Variants in CDC37 observed in about 807,000 individuals in gnomAD.
The protein encoded by CDC37 is hsp90 co-chaperone Cdc37.
In CDC37, 9 loss-of-function variants were observed where a neutral mutation model predicts 46.9. The ratio of observed to expected loss-of-function variants is 0.19; its 90% CI spans 0.12 to 0.33. The LOEUF is 0.33. Among genes scored for constraint, CDC37 ranks in the 10% least tolerant of loss-of-function variants. The pLI is 1.00. For synonymous variants in CDC37, 193 were observed against 191.0 expected (o/e 1.01, Z -0.09); for missense variants, 388 against 514.6 (o/e 0.75, Z 2.38).
chr19:10,399,825 G>A (rs959004391), intron 1 of CDC37, among the ~76,000 whole-genome samples: 22 of 150,986 alleles, frequency 1.5e-4, no homozygotes, highest in Non-Finnish European at 2.8e-4. Flanking sequence ...CCAGCTACTC[G>A]GGAGGCTGAG....
chr19:10,400,078 T>A (rs1158147928), intron 1 of CDC37, among the ~76,000 whole-genome samples: 1 of 151,868 alleles, frequency 6.6e-6, no homozygotes, highest in Non-Finnish European at 1.5e-5. Context: ...TCTGAACAAC[T>A]GCCAGGGAGG....
In CDC37 at chr19:10,396,142, C is replaced by T. The variant is rs1166738720; in HGVS notation, c.164G>A (p.Arg55His). Residue 55 changes from arginine (R) to histidine (H), a missense_variant, in exon 2 of 8, where the codon CGC (arginine) becomes CAC (histidine). Transcript: ENST00000222005. The surrounding 1 kb of genome is among the most constrained non-coding windows in gnomAD (Gnocchi z 5.9). ...KEKEELDRGC[R>H]ECKRKVAECQ... ...CTCGGCCACCTTGCGCTTGCACTCG[C>T]GGCAGCCCCTGTCCAGTTCCTCCTT... The T allele has an allele frequency of 5.6e-6, 9 of 1,614,080 alleles. No individual in the cohort carries two copies. The highest frequency in any genetic ancestry group is 5.9e-6 in the Non-Finnish European group (7 of 1,180,008).
chr19:10,391,376 T>C lies in CDC37; in HGVS notation c.*175A>G. 1 of 708,572 alleles carries C rather than the reference T, an allele frequency of 1.4e-6. No homozygotes were observed. The highest frequency in any genetic ancestry group is 2.4e-6 in the Non-Finnish European group (1 of 410,888). 43.9% of individuals were successfully genotyped at this position (708,572 alleles called of 1,614,324 possible). A position where few individuals can be genotyped will look rare whatever the true frequency, so the allele number is the denominator to read the frequency against. ...CCTTGACTCAAAGCAGAGACTTGAA[T>C]GGGCGCTGGAGAGTGGAGACAGTGG... On this transcript the variant is annotated 3_prime_UTR_variant, in exon 8 of 8. Transcript: ENST00000222005.
At chr19:10,399,223 C>CT (rs776383071) in intron 1 of CDC37, among the ~76,000 whole-genome samples, 13 of 152,090 alleles carry the variant, frequency 8.5e-5, no homozygotes, top group Admixed American at 2.0e-4. Flanking sequence ...AATCCCAACA[C>CT]TTTGGGAGGC....
At position 10,399,931 on chromosome 19, in the gene CDC37, T is replaced by TAAAAAAAAAAAAAA. The variant is rs56162717; in HGVS notation, c.102+3433_102+3446dup. Among the ~76,000 whole-genome samples, 177 of 48,310 alleles carry TAAAAAAAAAAAAAA rather than the reference T, an allele frequency of 3.7e-3. 15 individuals are homozygous for TAAAAAAAAAAAAAA. Among genetic ancestry groups the TAAAAAAAAAAAAAA allele is most frequent in the Middle Eastern group, 0.014 (1 of 72 alleles). 31.7% of individuals were successfully genotyped at this position (48,310 alleles called of 152,430 possible). On this transcript the variant is annotated intron_variant, in intron 1 of 7. Transcript: ENST00000222005. Reference sequence around the variant, plus strand: ...TGGGCAACAGAGTGAGACTCCGTCTTAAAAAAAAAAAAAAAAAAAAAAAAA... The same window carrying TAAAAAAAAAAAAAA: ...TGGGCAACAGAGTGAGACTCCGTCTTAAAAAAAAAAAAAAAAAAAAAAAAAAAAAAAAAAAAAAA...
At chr19:10,395,179 C>T (rs754408676) in intron 4 of CDC37, 36 bp from the exon 5 acceptor site, 9 of 1,610,938 alleles carry the variant, frequency 5.6e-6, no homozygotes, top group South Asian at 5.5e-5. Context: ...CACCAAGTGG[C>T]GGCCTCATGG....
At chr19:10,399,674 T>C (rs2042508418) in intron 1 of CDC37, among the ~76,000 whole-genome samples, 1 of 150,910 alleles carries the variant, frequency 6.6e-6, no homozygotes, top group African/African-American at 2.4e-5. Flanking sequence ...GGCTCATGCC[T>C]GTAATCCCAA....
chr19:10,392,429 C>A (rs969283194), intron 7 of CDC37, among the ~76,000 whole-genome samples: 1 of 152,164 alleles, frequency 6.6e-6, no homozygotes, highest in Non-Finnish European at 1.5e-5. Context: ...CAGCTAGACC[C>A]ATTTTACAGA....
chr19:10,395,792 A>C (rs1385480352), intron 2 of CDC37, 136 bp downstream of exon 2: 1 of 336,430 alleles, frequency 3.0e-6, no homozygotes, highest in Non-Finnish European at 4.6e-6. Flanking sequence ...TCCATCCCTC[A>C]GCTCCCCGCC....
At position 10,391,384 on chromosome 19, in the gene CDC37, G is replaced by A; in HGVS notation, c.*167C>T. ...CAAAGCAGAGACTTGAATGGGCGCT[G>A]GAGAGTGGAGACAGTGGAGAGGCCA... On this transcript the variant is annotated 3_prime_UTR_variant, in exon 8 of 8. Coordinates refer to ENST00000222005, the MANE Select transcript of CDC37 (RefSeq NM_007065.4). 2.6e-6 allele frequency: 2 copies of A among 765,342 alleles called. No homozygotes were observed. The highest frequency in any genetic ancestry group is 4.5e-6 in the Non-Finnish European group (2 of 444,438). The allele number at this position is 765,342 out of a possible 1,614,324, so 47.4% of individuals were successfully genotyped here.
chr19:10,394,923 T>C, intron 5 of CDC37, 98 bp downstream of exon 5: 1 of 1,317,752 alleles, frequency 7.6e-7, no homozygotes. Flanking sequence ...CTGGAGGGGC[T>C]TGAGTCCCAG....
rs2042482547 is a variant in CDC37, at chr19:10,395,428, C to T, written c.487+7G>A. ...CTTGCCCCCCATAACCCACAAGCCCCACTCACCAAAGTGCTTGATCTGTTT... is the reference window on the plus strand; with the variant it reads ...CTTGCCCCCCATAACCCACAAGCCCTACTCACCAAAGTGCTTGATCTGTTT... On this transcript the variant is annotated splice_region_variant and intron_variant, in intron 3 of 7. Transcript: ENST00000222005. The T allele has an allele frequency of 1.9e-6, 3 of 1,612,070 alleles. No individual in the cohort carries two copies. Among genetic ancestry groups the T allele is most frequent in the Non-Finnish European group, 2.5e-6 (3 of 1,178,102 alleles).
rs2042492005 is a variant in CDC37 at position 10,396,288 on chromosome 19, C to T, written c.103-85G>A. 1 of 1,467,102 alleles carries T rather than the reference C, an allele frequency of 6.8e-7. No homozygotes were observed. The highest frequency in any genetic ancestry group is 9.2e-7 in the Non-Finnish European group (1 of 1,084,780). The allele number at this position is 1,467,102 out of a possible 1,614,324, so 90.9% of individuals were successfully genotyped here. ...TACCCAATCCCTGCACCGGAGATGG[C>T]CCCAGGAAAAAGTACGCGTCCACCT... On this transcript the variant is annotated intron_variant, in intron 1 of 7. Transcript: ENST00000222005. This position sits in a 1 kb window ranked among gnomAD's most constrained non-coding sequence, Gnocchi z 5.9.
At position 10,396,377 on chromosome 19, in the gene CDC37, G is replaced by A. The variant is rs1450458752; in HGVS notation, c.103-174C>T. Reference sequence around the variant, plus strand: ...CAGGTGCCAGCGCACACCCAAGTGGGGTCAGGTCCCTCCGTCCTCTGCTCA... The same window carrying A: ...CAGGTGCCAGCGCACACCCAAGTGGAGTCAGGTCCCTCCGTCCTCTGCTCA... On this transcript the variant is annotated intron_variant, in intron 1 of 7. Transcript: ENST00000222005. This position sits in a 1 kb window ranked among gnomAD's most constrained non-coding sequence, Gnocchi z 5.9. 6.6e-6 allele frequency among the ~76,000 whole-genome samples: 1 copy of A among 152,124 alleles called. No individual in the cohort carries two copies. Among genetic ancestry groups the A allele is most frequent in the African/African-American group, 2.4e-5 (1 of 41,422 alleles).
chr19:10,393,312 G>T lies in CDC37; in HGVS notation c.856C>A (p.Arg286=). The change falls in exon 6 of 8, where the codon CGG becomes AGG. Residue 286 remains arginine, a synonymous_variant. Coordinates refer to ENST00000222005, the MANE Select transcript of CDC37 (RefSeq NM_007065.4). This position sits in a 1 kb window ranked among gnomAD's most constrained non-coding sequence, Gnocchi z 4.9. ...GGGTCCAGGCCGCCGGGGCCGAGCC[G>T]CTTCTTGCGCTCCTCCTCCTCGTAC... The part of the protein sequence containing the change: ...KEYEEEERKK[R]LGPGGLDPVE... 6.2e-7 allele frequency: 1 copy of T among 1,613,854 alleles called. No homozygotes were observed. The highest frequency in any genetic ancestry group is 8.5e-7 in the Non-Finnish European group (1 of 1,179,928).
At position 10,393,300 on chromosome 19, in the gene CDC37, C is replaced by G. The variant is rs373270944; in HGVS notation, c.868G>C (p.Gly290Arg). 1 of 1,613,456 alleles carries G rather than the reference C, an allele frequency of 6.2e-7. No individual in the cohort carries two copies. The highest frequency in any genetic ancestry group is 8.5e-7 in the Non-Finnish European group (1 of 1,179,782). The change falls in exon 6 of 8, where the codon GGC becomes CGC. Residue 290 changes from glycine to arginine, a missense_variant. This residue lies in a region of CDC37 where 374 missense variants were observed against 467.4 expected (regional missense o/e 0.80). Transcript: ENST00000222005. The surrounding 1 kb of genome is among the most constrained non-coding windows in gnomAD (Gnocchi z 4.9). ...EEERKKRLGP[G>R]GLDPVEVYES... The stretch of plus-strand genomic sequence containing the variant: ...TAGACCTCGACGGGGTCCAGGCCGC[C>G]GGGGCCGAGCCGCTTCTTGCGCTCC...
intron 1 of CDC37, 48 bp downstream of exon 1, chr19:10,403,330 C>T (rs1021044107): frequency 6.9e-7 from 1 of 1,440,910 alleles, no homozygotes; most frequent in Admixed American, 1.8e-5. Flanking sequence ...ATCACAACTC[C>T]GAAGCGGGGT....
intron 7 of CDC37, among the ~76,000 whole-genome samples, 200 bp from the exon 8 acceptor site, chr19:10,391,906 G>A (rs2042459217): frequency 6.6e-6 from 1 of 152,332 alleles, no homozygotes; most frequent in South Asian, 2.1e-4. Flanking sequence ...CCAGGTTCAA[G>A]TGATTCTCCT....
rs2042504462 is a variant in CDC37 at position 10,398,873 on chromosome 19, T to C, written c.103-2670A>G. Among the ~76,000 whole-genome samples, 1 of 152,172 alleles carries C rather than the reference T, an allele frequency of 6.6e-6. No individual in the cohort carries two copies. Among genetic ancestry groups the C allele is most frequent in the African/African-American group, 2.4e-5 (1 of 41,442 alleles). On this transcript the variant is annotated intron_variant, in intron 1 of 7. Coordinates refer to ENST00000222005, the MANE Select transcript of CDC37 (RefSeq NM_007065.4). The surrounding 1 kb of genome is among the most constrained non-coding windows in gnomAD (Gnocchi z 4.2). ...GAACTTTGGCCATGTCACTGAAACC[T>C]TTCCCAGCCTTGGTCTTCCCCTCTG...
Sources: allele counts gnomAD v4.1 joint callset (sites outside exome capture counted in the v4.1 genomes callset), GRCh38; gene constraint gnomAD v4.1.1; regional missense constraint gnomAD v4.1.1; non-coding constraint Gnocchi (gnomAD v3.1); transcripts MANE v1.5; gene names NCBI Gene and HGNC (gene_info 2026-07-23, HGNC 2026-07-21).